The following RPS6KA3 variants were observed in gnomAD, a reference collection of about 807,000 sequenced individuals.
The protein encoded by RPS6KA3 is ribosomal protein S6 kinase alpha-3.
A neutral mutation model predicts 67.2 loss-of-function variants in RPS6KA3; 4 were observed. The observed-to-expected ratio is 0.06, with a 90% CI of 0.03 to 0.14. The LOEUF is 0.14. RPS6KA3 is among the 10% of genes least tolerant of loss of function. The probability of loss-of-function intolerance (pLI) is 1.00; values close to 1 mark genes in which losing one functional copy is unlikely to be tolerated. For synonymous variants in RPS6KA3, 182 were observed against 183.7 expected (o/e 0.99, Z 0.07); for missense variants, 204 against 559.0 (o/e 0.36, Z 6.40).
chrX:20,174,796 C>T (rs2067659972), intron 14 of RPS6KA3, among the ~76,000 whole-genome samples: 1 of 111,263 alleles, frequency 9.0e-6, no homozygotes, highest in Non-Finnish European at 1.9e-5. Flanking sequence ...ACTCTGTCAC[C>T]CAGGCTGGAG....
At chrX:20,241,192 CTTT>C (rs979586793) in intron 1 of RPS6KA3, among the ~76,000 whole-genome samples, 1 of 106,857 alleles carries the variant, frequency 9.4e-6, no homozygotes, top group Non-Finnish European at 1.9e-5. Flanking sequence ...CTTTCAGAAA[CTTT>C]TTTTTTTCCT....
intron 1 of RPS6KA3, among the ~76,000 whole-genome samples, chrX:20,242,450 T>A (rs1336694982): frequency 8.9e-6 from 1 of 111,785 alleles, no homozygotes; most frequent in Non-Finnish European, 1.9e-5. Context: ...ATTCCTATTT[T>A]ATAGTTGAGG....
intron 4 of RPS6KA3, among the ~76,000 whole-genome samples, chrX:20,202,132 A>G (rs2068456263): frequency 9.2e-6 from 1 of 108,282 alleles, no homozygotes; most frequent in Non-Finnish European, 1.9e-5. Flanking sequence ...GACACCCAAC[A>G]CCATGCCCGG....
At chrX:20,211,746 G>A (rs898323078) in intron 2 of RPS6KA3, among the ~76,000 whole-genome samples, 4 of 109,871 alleles carry the variant, frequency 3.6e-5, no homozygotes, top group Admixed American at 1.9e-4. Flanking sequence ...AGTTAGCCTC[G>A]TATTAAAAAA....
chrX:20,234,436 T>C (rs753306037), intron 2 of RPS6KA3, among the ~76,000 whole-genome samples: 12 of 111,567 alleles, frequency 1.1e-4, no homozygotes, highest in East Asian at 5.6e-4. Flanking sequence ...GATCGCGCCA[T>C]TGCACTCCAG....
At chrX:20,185,405 C>T (rs2067956505) in intron 10 of RPS6KA3, among the ~76,000 whole-genome samples, 1 of 110,236 alleles carries the variant, frequency 9.1e-6, no homozygotes, top group African/African-American at 3.3e-5. Context: ...CAGGGTTTTG[C>T]TCTGTCACCC....
At chrX:20,245,001 A>G (rs1189360517) in intron 1 of RPS6KA3, among the ~76,000 whole-genome samples, 3 of 112,310 alleles carry the variant, frequency 2.7e-5, no homozygotes, top group African/African-American at 9.7e-5. Context: ...TAAGGAAAAC[A>G]TGACTTGCCA....
chrX:20,156,377 A>G lies in RPS6KA3; in HGVS notation c.1960-128T>C. 15 of 706,186 alleles carry G rather than the reference A, an allele frequency of 2.1e-5. No homozygotes were observed. In the South Asian group the frequency reaches 3.3e-4, roughly 15 times the overall value. 58.2% of individuals were successfully genotyped at this position (706,186 alleles called of 1,213,427 possible). The stretch of plus-strand genomic sequence containing the variant: ...TTTTTCTGGTAGCAGCCCTTTGGTC[A>G]ACATGGTAATTTGGGGGAAAAAAAA... On this transcript the variant is annotated intron_variant, in intron 20 of 21. Coordinates refer to ENST00000379565, the MANE Select transcript of RPS6KA3 (RefSeq NM_004586.3).
chrX:20,169,280 G>A, intron 16 of RPS6KA3, 122 bp downstream of exon 16: 3 of 553,598 alleles, frequency 5.4e-6, no homozygotes, highest in South Asian at 2.4e-5. Context: ...GATTACAGGC[G>A]TGGGCCACTG....
chrX:20,200,086 A>ATTT (rs1337551518), intron 4 of RPS6KA3, among the ~76,000 whole-genome samples: 1 of 112,208 alleles, frequency 8.9e-6, no homozygotes, highest in African/African-American at 3.2e-5. Flanking sequence ...ATGAAAAGAG[A>ATTT]CTGAATACAG....
chrX:20,193,975 A>C (rs949135400), intron 6 of RPS6KA3, among the ~76,000 whole-genome samples: 18 of 112,518 alleles, frequency 1.6e-4, no homozygotes, highest in Non-Finnish European at 9.4e-5. Context: ...CTATAAAAGA[A>C]GCAGGGTTAA....
chrX:20,209,067 A>C (rs1002974070), intron 3 of RPS6KA3, among the ~76,000 whole-genome samples: 9 of 111,934 alleles, frequency 8.0e-5, no homozygotes, highest in African/African-American at 2.9e-4. Flanking sequence ...TCTTGAAGAT[A>C]AAGTAGGAAG....
intron 17 of RPS6KA3, among the ~76,000 whole-genome samples, chrX:20,167,190 C>T (rs1270199564): frequency 8.9e-6 from 1 of 111,750 alleles, no homozygotes; most frequent in Non-Finnish European, 1.9e-5. Flanking sequence ...AGAGCATATC[C>T]ACCAGCCGAA....
intron 14 of RPS6KA3, 118 bp downstream of exon 14, chrX:20,175,046 G>A (rs1264644708): frequency 1.3e-6 from 1 of 745,529 alleles, no homozygotes; most frequent in African/African-American, 2.1e-5. Context: ...GAGCCACTAT[G>A]CCCAGTCTAA....
At chrX:20,212,768 TG>T (rs1414329845) in intron 2 of RPS6KA3, among the ~76,000 whole-genome samples, 1 of 111,084 alleles carries the variant, frequency 9.0e-6, no homozygotes, top group African/African-American at 3.3e-5. Flanking sequence ...TGTCTCCCTT[TG>T]GTCCCTTCAG....
At chrX:20,181,126 T>C (rs1375532206) in intron 10 of RPS6KA3, among the ~76,000 whole-genome samples, 1 of 111,939 alleles carries the variant, frequency 8.9e-6, no homozygotes, top group African/African-American at 3.2e-5. Context: ...AGTAGATATG[T>C]CTGGAATGCT....
chrX:20,156,411 C>T (rs1212357431), intron 20 of RPS6KA3, among the ~76,000 whole-genome samples, 162 bp from the exon 21 acceptor site: 2 of 111,573 alleles, frequency 1.8e-5, no homozygotes, highest in South Asian at 3.8e-4. Flanking sequence ...AATCAGTCTC[C>T]GCTTTTTCCC....
chrX:20,246,956 T>A (rs1603431334), intron 1 of RPS6KA3, among the ~76,000 whole-genome samples: 2 of 111,269 alleles, frequency 1.8e-5, no homozygotes, highest in Admixed American at 1.9e-4. Context: ...ACAATCCAAA[T>A]GATCCACTCT....
chrX:20,241,420 T>C (rs990802035), intron 1 of RPS6KA3, among the ~76,000 whole-genome samples: 3 of 102,179 alleles, frequency 2.9e-5, no homozygotes, highest in Non-Finnish European at 4.0e-5. Flanking sequence ...AGGACAAACT[T>C]GAGTAAATGA....
Sources: gnomAD v4.1 joint callset for allele counts (sites outside exome capture counted in the v4.1 genomes callset) on GRCh38, gnomAD v4.1.1 for gene constraint, MANE v1.5 for transcripts, NCBI Gene and HGNC (gene_info 2026-07-23, HGNC 2026-07-21) for gene names.